HORMAD2: variants seen among roughly 807,000 people sequenced by gnomAD.
HORMAD2 encodes HORMA domain-containing protein 2.
HORMAD2 carries 45 observed loss-of-function variants against 38.8 expected under a neutral mutation model. That is an observed-to-expected ratio of 1.16 (90% CI 0.91 to 1.49). HORMAD2 has a LOEUF of 1.49. Ranked by LOEUF, HORMAD2 falls within the 40% of genes most tolerant of loss-of-function variation. HORMAD2 has a pLI of 0.00. For missense variants in HORMAD2, 338 were observed against 367.0 expected, an observed-to-expected ratio of 0.92 and a Z score of 0.65; for synonymous variants, 126 against 122.8, an observed-to-expected ratio of 1.03 and a Z score of -0.17.
chr22:30,088,191 CTATGTATACATATATACATATATACA>C (rs2068615139), intron 1 of HORMAD2, among the ~76,000 whole-genome samples: 1 of 147,668 alleles, frequency 6.8e-6, no homozygotes, highest in Non-Finnish European at 1.5e-5. Flanking sequence ...ACATATATAC[CTATGTATACATATATACATATATACA>C]CATATATACA....
chr22:30,152,478 C>A (rs1306600472), intron 10 of HORMAD2, among the ~76,000 whole-genome samples: 1 of 151,942 alleles, frequency 6.6e-6, no homozygotes, highest in Non-Finnish European at 1.5e-5. Context: ...ATTTGTGTAC[C>A]ACCACGCATG....
intron 10 of HORMAD2, among the ~76,000 whole-genome samples, chr22:30,126,532 G>A (rs1305165266): frequency 6.6e-6 from 1 of 152,126 alleles, no homozygotes; most frequent in Non-Finnish European, 1.5e-5. Context: ...ACATGTTGTT[G>A]TAGACCATCC....
At chr22:30,191,982 AG>A in the HORMAD2 span, among the ~76,000 whole-genome samples, 1 of 152,328 alleles carries the variant, frequency 6.6e-6, no homozygotes, top group African/African-American at 2.4e-5. Flanking sequence ...TTTTACTTAA[AG>A]CAACAACCAA....
rs751225490 is a variant in HORMAD2, at chr22:30,127,025, T to C, written c.819+4811T>C. Among the ~76,000 whole-genome samples, 19 of 152,242 alleles carry C rather than the reference T, an allele frequency of 1.2e-4. No homozygotes were observed. The South Asian group carries it at 1.7e-3, about 13-fold the overall frequency. On this transcript the variant is annotated intron_variant, in intron 10 of 10. Transcript: ENST00000336726. ...TCTTTTGTGAAGTATCTGTTCAAAT[T>C]GTTTGCTCCTACCCTGCCTTTTTTT...
the HORMAD2 span, among the ~76,000 whole-genome samples, chr22:30,204,449 C>T: frequency 4.6e-5 from 7 of 152,180 alleles, no homozygotes; most frequent in Non-Finnish European, 7.3e-5. Flanking sequence ...AGTAGGTGAT[C>T]AGGAAAGAGC....
In HORMAD2 at chr22:30,142,344, C is replaced by A. The variant is rs181299557; in HGVS notation, c.819+20130C>A. ...AATATTCCATGTGCACTTGAGAAGA[C>A]TGTATATTCTGCTGTTACTGGGTAT... On this transcript the variant is annotated intron_variant, in intron 10 of 10. Transcript: ENST00000336726. Among the ~76,000 whole-genome samples, 387 of 152,204 alleles carry A rather than the reference C, an allele frequency of 2.5e-3. 6 individuals carry two copies. The highest frequency in any genetic ancestry group is 0.024 in the Admixed American group (362 of 15,284).
the HORMAD2 span, among the ~76,000 whole-genome samples, chr22:30,202,502 A>G: frequency 6.6e-6 from 1 of 152,002 alleles, no homozygotes; most frequent in East Asian, 1.9e-4. Context: ...ACATGCAAAA[A>G]AAGTCAGCTC....
intron 10 of HORMAD2, among the ~76,000 whole-genome samples, chr22:30,160,193 C>T (rs1017135963): frequency 1.3e-5 from 2 of 151,874 alleles, no homozygotes; most frequent in Non-Finnish European, 2.9e-5. Context: ...CTGCCCTTAT[C>T]ACCACCATAG....
chr22:30,178,750 G>C (rs1319736201), downstream of HORMAD2, among the ~76,000 whole-genome samples: 1 of 152,216 alleles, frequency 6.6e-6, no homozygotes, highest in Non-Finnish European at 1.5e-5. Context: ...GTTCATCAGT[G>C]TGATCACAAA....
At position 30,121,735 on chromosome 22, in the gene HORMAD2, G is replaced by A. The variant is rs1922450931; in HGVS notation, c.514G>A (p.Glu172Lys). The change falls in exon 9 of 11, where the codon GAG becomes AAG. Residue 172 changes from glutamate (E) to lysine (K), a missense_variant. Coordinates refer to ENST00000336726, the MANE Select transcript of HORMAD2 (RefSeq NM_152510.4). ...ATTGTATATACTGATGCAGGACCTT[G>A]AGCCACTTCCTAATAATGTTGTACT... ...RKLYILMQDL[E>K]PLPNNVVLTM... 6.2e-7 allele frequency: 1 copy of A among 1,612,496 alleles called. No homozygotes were observed. The highest frequency in any genetic ancestry group is 1.3e-5 in the African/African-American group (1 of 74,898).
chr22:30,162,223 G>A (rs1264791768), intron 10 of HORMAD2, among the ~76,000 whole-genome samples: 1 of 152,098 alleles, frequency 6.6e-6, no homozygotes, highest in Non-Finnish European at 1.5e-5. Context: ...TGAGGTGGGA[G>A]GATTACCTGA....
At chr22:30,078,749 A>G (rs1480003131), upstream of HORMAD2, among the ~76,000 whole-genome samples, 1 of 151,644 alleles carries the variant, frequency 6.6e-6, no homozygotes, top group African/African-American at 2.4e-5. Flanking sequence ...TGGATATGGT[A>G]GCAGTTGACT....
At chr22:30,204,133 G>T in the HORMAD2 span, among the ~76,000 whole-genome samples, 1 of 152,168 alleles carries the variant, frequency 6.6e-6, no homozygotes, top group Non-Finnish European at 1.5e-5. Flanking sequence ...CCATGACAAG[G>T]AGGGGCCAGT....
intron 10 of HORMAD2, among the ~76,000 whole-genome samples, chr22:30,126,832 A>G (rs777477299): frequency 6.7e-4 from 102 of 152,224 alleles, no homozygotes; most frequent in Non-Finnish European, 1.1e-3. Context: ...GTTGCTTTAC[A>G]TCCTCACTAA....
At chr22:30,198,840 C>A in the HORMAD2 span, among the ~76,000 whole-genome samples, 1 of 152,174 alleles carries the variant, frequency 6.6e-6, no homozygotes, top group Non-Finnish European at 1.5e-5. Context: ...TATTTATAAA[C>A]CATCTGGTCA....
chr22:30,100,144 A>G (rs1383915727), intron 3 of HORMAD2, among the ~76,000 whole-genome samples: 1 of 152,210 alleles, frequency 6.6e-6, no homozygotes, highest in Non-Finnish European at 1.5e-5. Flanking sequence ...CTAAGCAAAA[A>G]GAACAAAGCT....
At chr22:30,096,789 A>C (rs79627455) in intron 2 of HORMAD2, among the ~76,000 whole-genome samples, 1 of 151,820 alleles carries the variant, frequency 6.6e-6, no homozygotes, top group Non-Finnish European at 1.5e-5. Flanking sequence ...TTTAATGCTC[A>C]CTTCCCTGAT....
chr22:30,134,421 G>T (rs866524113), intron 10 of HORMAD2, among the ~76,000 whole-genome samples: 1 of 146,056 alleles, frequency 6.8e-6, no homozygotes, highest in Non-Finnish European at 1.5e-5. Flanking sequence ...ATATATTTAT[G>T]ATTATACTTA....
At chr22:30,186,868 AGG>A in the HORMAD2 span, among the ~76,000 whole-genome samples, 3 of 147,214 alleles carry the variant, frequency 2.0e-5, no homozygotes, top group Admixed American at 2.0e-4. Context: ...GGAGACAATA[AGG>A]CTTGCCATAA....
Sources: allele counts gnomAD v4.1 joint callset (sites outside exome capture counted in the v4.1 genomes callset), GRCh38; gene constraint gnomAD v4.1.1; transcripts MANE v1.5; gene names NCBI Gene and HGNC (gene_info 2026-07-23, HGNC 2026-07-21).